Variants in TCF19 observed in about 807,000 individuals in gnomAD.
TCF19 encodes transcription factor 19.
TCF19 carries 9 observed loss-of-function variants against 18.3 expected under a neutral mutation model. That is an observed-to-expected ratio of 0.49 (90% CI 0.30 to 0.86). The LOEUF (loss-of-function observed/expected upper bound fraction) is 0.86, where lower values mean the gene tolerates loss of function less well. TCF19 is among the 40% of genes least tolerant of loss of function. The pLI, the probability that TCF19 is intolerant of heterozygous loss-of-function variation, is 0.07. For missense variants in TCF19, 376 were observed against 464.3 expected, an observed-to-expected ratio of 0.81 and a Z score of 1.75; for synonymous variants, 176 against 185.3, an observed-to-expected ratio of 0.95 and a Z score of 0.41.
rs768592617 is a variant in TCF19, at chr6:31,161,868, A to G, written c.660A>G (p.Gln220=). ...GGACCACGCCTTCTGCTCCACCACA[A>G]CGCAATCGGAGGAAATCTGTTCACC... ...EMGTTPSAPP[Q]RNRRKSVHRV... is the part of the protein sequence containing the mutation. Residue 220 remains glutamine (Q), a synonymous_variant, in exon 3 of 4, where the codon CAA becomes CAG. Transcript: ENST00000376257. 7 of 1,612,860 alleles carry G rather than the reference A, an allele frequency of 4.3e-6. No homozygotes were observed. The highest frequency in any genetic ancestry group is 5.1e-6 in the Non-Finnish European group (6 of 1,179,966).
chr6:31,159,761 A>C (rs1005007835), intron 2 of TCF19, 54 bp downstream of exon 2: 1 of 1,585,066 alleles, frequency 6.3e-7, no homozygotes, highest in Non-Finnish European at 8.7e-7. Context: ...GCCAGGCTGG[A>C]ATGAGTAAGG....
In TCF19 at chr6:31,159,597, C is replaced by A. The variant is rs778295498; in HGVS notation, c.128C>A (p.Ala43Asp). The A allele has an allele frequency of 1.7e-5, 28 of 1,613,064 alleles. No individual in the cohort carries two copies. The highest frequency in any genetic ancestry group is 2.3e-5 in the Non-Finnish European group (27 of 1,180,020). ...CACAGGGCCGACCTGTGTGATGTGG[C>A]CCTGCGGCCCCAGCAGGAGCCTGGC... ...LGHRADLCDV[A>D]LRPQQEPGLI... The change falls in exon 2 of 4, where the codon GCC becomes GAC. Residue 43 changes from alanine (A) to aspartate (D), a missense_variant. Physicochemically the swap from Ala to Asp is moderately radical, Grantham distance 126 (BLOSUM62 -2). Transcript: ENST00000376257.
rs772501787 is a variant in TCF19, at chr6:31,159,498, T to C, written c.29T>C (p.Ile10Thr). The stretch of plus-strand genomic sequence containing the variant: ...CTGCCCTGCTTCCAACTGCTGCGCA[T>C]AGGGGGCGGCAGGGGCGGTGATCTC... Reference protein sequence around the residue: MLPCFQLLRIGGGRGGDLYT... With the variant: MLPCFQLLRTGGGRGGDLYT... Residue 10 changes from isoleucine to threonine, a missense_variant, in exon 2 of 4, where the codon ATA becomes ACA. Transcript: ENST00000376257. The C allele has an allele frequency of 6.3e-7, 1 of 1,587,210 alleles. No individual in the cohort carries two copies. Among genetic ancestry groups the C allele is most frequent in the South Asian group, 1.1e-5 (1 of 87,950 alleles).
Position 31,161,869 on chromosome 6 carries a change from C to G in TCF19, c.661C>G (p.Arg221Gly), listed in dbSNP as rs774090549. 1 of 1,613,010 alleles carries G rather than the reference C, an allele frequency of 6.2e-7. No individual in the cohort carries two copies. Among genetic ancestry groups the G allele is most frequent in the Non-Finnish European group, 8.5e-7 (1 of 1,180,000 alleles). Residue 221 changes from arginine to glycine, a missense_variant, in exon 3 of 4, where the codon CGC (arginine) becomes GGC (glycine). Transcript: ENST00000376257. ...GACCACGCCTTCTGCTCCACCACAA[C>G]GCAATCGGAGGAAATCTGTTCACCG... ...MGTTPSAPPQRNRRKSVHRVL... is the reference protein window; with the variant it reads ...MGTTPSAPPQGNRRKSVHRVL...
Position 31,162,638 on chromosome 6 carries a change from C to T in TCF19, c.959C>T (p.Ala320Val), listed in dbSNP as rs1193959925. The part of the protein sequence containing the change: ...CDGCDVWFHV[A>V]CVGCSIQAAR... ...GGCTGTGACGTCTGGTTCCATGTGG[C>T]CTGTGTTGGCTGCAGCATCCAGGCT... The change falls in exon 4 of 4, where the codon GCC (alanine) becomes GTC (valine). Residue 320 changes from alanine to valine, a missense_variant. By Grantham distance (64) the Ala-to-Val change is moderately conservative (BLOSUM62 0). Coordinates refer to ENST00000376257, the MANE Select transcript of TCF19 (RefSeq NM_007109.3). This position sits in a 1 kb window ranked among gnomAD's most constrained non-coding sequence, Gnocchi z 4.5. 6.2e-7 allele frequency: 1 copy of T among 1,612,888 alleles called. No individual in the cohort carries two copies. The highest frequency in any genetic ancestry group is 8.5e-7 in the Non-Finnish European group (1 of 1,180,010).
In TCF19 at chr6:31,163,940, C is replaced by T; in HGVS notation, c.*1223C>T. 1.0e-6 allele frequency: 1 copy of T among 986,062 alleles called. No homozygotes were observed. Among genetic ancestry groups the T allele is most frequent in the Non-Finnish European group, 1.2e-6 (1 of 830,460 alleles). The allele number at this position is 986,062 out of a possible 1,614,324, so 61.1% of individuals were successfully genotyped here. On this transcript the variant is annotated 3_prime_UTR_variant, in exon 4 of 4. Coordinates refer to ENST00000376257, the MANE Select transcript of TCF19 (RefSeq NM_007109.3). ...CACTTATGGGCAGAGTATGCAAAAACCTTAAGTGGAAACCAAATAGACCCT... is the reference window on the plus strand; with the variant it reads ...CACTTATGGGCAGAGTATGCAAAAATCTTAAGTGGAAACCAAATAGACCCT...
In TCF19 at chr6:31,164,100, T is replaced by C; in HGVS notation, c.*1383T>C. ...GGGTGGGAAAGCAAAAAGCCAGCTC[T>C]GAACAGGTAACAGCTACATGGTGAC... On this transcript the variant is annotated 3_prime_UTR_variant, in exon 4 of 4. Coordinates refer to ENST00000376257, the MANE Select transcript of TCF19 (RefSeq NM_007109.3). 1 of 1,034,216 alleles carries C rather than the reference T, an allele frequency of 9.7e-7. No homozygotes were observed. The highest frequency in any genetic ancestry group is 1.2e-6 in the Non-Finnish European group (1 of 858,340). 64.1% of individuals were successfully genotyped at this position (1,034,216 alleles called of 1,614,324 possible). A position where few individuals can be genotyped will look rare whatever the true frequency, so the allele number is the denominator to read the frequency against.
rs1776575472 is a variant in TCF19, at chr6:31,159,396, C to T, written c.-74C>T. The stretch of plus-strand genomic sequence containing the variant: ...AGACTGGGAAGCGAACTTAAGCCAG[C>T]GGTGCGTGGCCCAGGAGTGGGAAAG... On this transcript the variant is annotated 5_prime_UTR_variant, in exon 2 of 4. Transcript: ENST00000376257. The T allele has an allele frequency of 7.6e-7, 1 of 1,324,126 alleles. No homozygotes were observed. Among genetic ancestry groups the T allele is most frequent in the Non-Finnish European group, 1.0e-6 (1 of 978,608 alleles). 82.0% of individuals were successfully genotyped at this position (1,324,126 alleles called of 1,614,324 possible).
chr6:31,163,692 T>A lies in TCF19; in HGVS notation c.*975T>A. On this transcript the variant is annotated 3_prime_UTR_variant, in exon 4 of 4. Coordinates refer to ENST00000376257, the MANE Select transcript of TCF19 (RefSeq NM_007109.3). ...CTTAACCCACACATGGTACATGTGA[T>A]TTTCTTTTGTGAGCCTTACACCAAG... 6 of 985,480 alleles carry A rather than the reference T, an allele frequency of 6.1e-6. No individual in the cohort carries two copies. Among genetic ancestry groups the A allele is most frequent in the Non-Finnish European group, 7.2e-6 (6 of 829,970 alleles). 61.0% of individuals were successfully genotyped at this position (985,480 alleles called of 1,614,324 possible). A position where few individuals can be genotyped will look rare whatever the true frequency, so the allele number is the denominator to read the frequency against.
At chr6:31,160,466 T>A (rs1472067994) in intron 2 of TCF19, among the ~76,000 whole-genome samples, 1 of 151,854 alleles carries the variant, frequency 6.6e-6, no homozygotes, top group Non-Finnish European at 1.5e-5. Context: ...ATTAATTTTT[T>A]TAAAAAAGCC....
rs1582019842 is a variant in TCF19, at chr6:31,162,933, A to G, written c.*216A>G. ...TCCTGCCAAAGATATTGCCACCTCC[A>G]GGAAATTGCCAGTGAGCTGGAAGTT... On this transcript the variant is annotated 3_prime_UTR_variant, in exon 4 of 4. Coordinates refer to ENST00000376257, the MANE Select transcript of TCF19 (RefSeq NM_007109.3). This position sits in a 1 kb window ranked among gnomAD's most constrained non-coding sequence, Gnocchi z 4.5. 1 of 1,405,324 alleles carries G rather than the reference A, an allele frequency of 7.1e-7. No individual in the cohort carries two copies. Among genetic ancestry groups the G allele is most frequent in the Non-Finnish European group, 9.2e-7 (1 of 1,084,768 alleles). 87.1% of individuals were successfully genotyped at this position (1,405,324 alleles called of 1,614,324 possible). A position where few individuals can be genotyped will look rare whatever the true frequency, so the allele number is the denominator to read the frequency against.
chr6:31,159,536 C>G lies in TCF19; in HGVS notation c.67C>G (p.Pro23Ala), dbSNP rs935781150. The G allele has an allele frequency of 6.9e-6, 11 of 1,605,388 alleles. No homozygotes were observed. The highest frequency in any genetic ancestry group is 1.3e-5 in the African/African-American group (1 of 74,772). Residue 23 changes from proline (P) to alanine (A), a missense_variant, in exon 2 of 4, where the codon CCC becomes GCC. Pro to Ala is a conservative substitution (Grantham distance 27). Coordinates refer to ENST00000376257, the MANE Select transcript of TCF19 (RefSeq NM_007109.3). Reference protein sequence around the residue: ...GRGGDLYTFHPPAGAGCTYRL... With the variant: ...GRGGDLYTFHAPAGAGCTYRL... Reference sequence around the variant, plus strand: ...GGGCGGTGATCTCTACACCTTCCACCCCCCCGCCGGGGCTGGCTGCACCTA... The same window carrying G: ...GGGCGGTGATCTCTACACCTTCCACGCCCCCGCCGGGGCTGGCTGCACCTA...
chr6:31,161,930 C>G lies in TCF19; in HGVS notation c.722C>G (p.Pro241Arg), dbSNP rs2073724. ...LAELDDESEP[P>R]ENPPPVLMEP... ...GAACTGGATGATGAGAGTGAGCCTC[C>G]TGAGAACCCGCCACCGGTCCTTATG... Residue 241 changes from proline to arginine, a missense_variant, in exon 3 of 4, where the codon CCT becomes CGT. Transcript: ENST00000376257. 5 of 1,612,924 alleles carry G rather than the reference C, an allele frequency of 3.1e-6. No individual in the cohort carries two copies. The East Asian group carries it at 1.1e-4, about 36-fold the overall frequency.
In TCF19 at chr6:31,162,444, C is replaced by T. The variant is rs750397829; in HGVS notation, c.798-33C>T. 3.1e-5 allele frequency: 49 copies of T among 1,578,542 alleles called. No homozygotes were observed. Among genetic ancestry groups the T allele is most frequent in the South Asian group, 1.8e-4 (15 of 84,394 alleles). On this transcript the variant is annotated intron_variant, in intron 3 of 3. Transcript: ENST00000376257. This position sits in a 1 kb window ranked among gnomAD's most constrained non-coding sequence, Gnocchi z 4.5. ...GTCTAGGCCTTCTCCTACAGGTTTC[C>T]GGTGACCCTTGTGTCTGTGTCACTT...
chr6:31,162,134 A>C lies in TCF19; in HGVS notation c.797+129A>C. 7.4e-6 allele frequency: 8 copies of C among 1,087,204 alleles called. No individual in the cohort carries two copies. Among genetic ancestry groups the C allele is most frequent in the Non-Finnish European group, 1.0e-5 (8 of 779,410 alleles). 67.3% of individuals were successfully genotyped at this position (1,087,204 alleles called of 1,614,324 possible). A position where few individuals can be genotyped will look rare whatever the true frequency, so the allele number is the denominator to read the frequency against. ...GAGGTGGAATAGATGGAATGGCAAG[A>C]CCTGGGTTAGCTCTGATAGGAAAAG... On this transcript the variant is annotated intron_variant, in intron 3 of 3. Coordinates refer to ENST00000376257, the MANE Select transcript of TCF19 (RefSeq NM_007109.3). The surrounding 1 kb of genome is among the most constrained non-coding windows in gnomAD (Gnocchi z 4.5).
In TCF19 at chr6:31,163,981, CA is replaced by C. The variant is rs541520490; in HGVS notation, c.*1267del. On this transcript the variant is annotated 3_prime_UTR_variant, in exon 4 of 4. Transcript: ENST00000376257. The stretch of plus-strand genomic sequence containing the variant: ...AATAGACCCTGGTATCAAGAAAGCA[CA>C]AAGTATTAATAGAAGTTTCTGGTTG... The C allele has an allele frequency of 1.2e-5, 12 of 987,698 alleles. No homozygotes were observed. In the South Asian group the frequency reaches 5.6e-4, roughly 46 times the overall value. 61.2% of individuals were successfully genotyped at this position (987,698 alleles called of 1,614,324 possible). A position where few individuals can be genotyped will look rare whatever the true frequency, so the allele number is the denominator to read the frequency against.
rs1460706855 is a variant in TCF19, at chr6:31,161,646, G to T, written c.438G>T (p.Gly146=). 3 of 1,529,778 alleles carry T rather than the reference G, an allele frequency of 2.0e-6. No individual in the cohort carries two copies. In the African/African-American group the frequency reaches 4.2e-5, roughly 21 times the overall value. The allele number at this position is 1,529,778 out of a possible 1,614,324, so 94.8% of individuals were successfully genotyped here. The change falls in exon 3 of 4, where the codon GGG becomes GGT. Residue 146 remains glycine, a synonymous_variant. Coordinates refer to ENST00000376257, the MANE Select transcript of TCF19 (RefSeq NM_007109.3). ...IPRSRGEARV[G]AGFRPMLPSQ... ...GGTCTAGGGGAGAAGCCCGGGTTGG[G>T]GCTGGTTTCCGGCCTATGCTGCCCT...
At position 31,163,556 on chromosome 6, in the gene TCF19, G is replaced by A. The variant is rs1776947163; in HGVS notation, c.*839G>A. On this transcript the variant is annotated 3_prime_UTR_variant, in exon 4 of 4. Transcript: ENST00000376257. ...TACTGTCAGGGCAAGAGAAAGCCTG[G>A]TAAACCAGCTACAGCAGTTTACCAG... The A allele has an allele frequency of 4.1e-6, 4 of 985,428 alleles. No homozygotes were observed. Among genetic ancestry groups the A allele is most frequent in the South Asian group, 9.4e-5 (2 of 21,288 alleles). 61.0% of individuals were successfully genotyped at this position (985,428 alleles called of 1,614,324 possible). A position where few individuals can be genotyped will look rare whatever the true frequency, so the allele number is the denominator to read the frequency against.
rs1776907565 is a variant in TCF19 at position 31,163,019 on chromosome 6, C to A, written c.*302C>A. The A allele has an allele frequency of 4.0e-6, 5 of 1,256,256 alleles. No homozygotes were observed. The highest frequency in any genetic ancestry group is 5.0e-6 in the Non-Finnish European group (5 of 998,976). The allele number at this position is 1,256,256 out of a possible 1,614,324, so 77.8% of individuals were successfully genotyped here. ...GACACCAGAATATCTGTAGTCAGAG[C>A]ACCTATCAGTTGCAAAAGCCATGCC... On this transcript the variant is annotated 3_prime_UTR_variant, in exon 4 of 4. Coordinates refer to ENST00000376257, the MANE Select transcript of TCF19 (RefSeq NM_007109.3).
Sources: allele counts gnomAD v4.1 joint callset (sites outside exome capture counted in the v4.1 genomes callset), GRCh38; gene constraint gnomAD v4.1.1; non-coding constraint Gnocchi (gnomAD v3.1); transcripts MANE v1.5; gene names NCBI Gene and HGNC (gene_info 2026-07-23, HGNC 2026-07-21).